The following CNPY2 variants were observed in gnomAD, a reference collection of about 807,000 sequenced individuals.
The protein encoded by CNPY2 is canopy FGF signaling regulator 2, also known as protein canopy homolog 2.
CNPY2 carries 19 observed loss-of-function variants against 25.5 expected under a neutral mutation model. That is an observed-to-expected ratio of 0.74 (90% CI 0.52 to 1.09). The LOEUF (loss-of-function observed/expected upper bound fraction) is 1.09, where lower values mean the gene tolerates loss of function less well. Among genes scored for constraint, CNPY2 ranks in the 50% least tolerant of loss-of-function variants. CNPY2 has a pLI of 0.00. For missense variants in CNPY2, 214 were observed against 233.6 expected (o/e 0.92, Z 0.55); for synonymous variants, 82 against 85.0 (o/e 0.96, Z 0.19).
chr12:56,312,956 T>C (rs1450179881), intron 3 of CNPY2: 2 of 152,252 alleles, frequency 1.3e-5, no homozygotes, highest in African/African-American at 2.4e-5. Context: ...GATCAACTTA[T>C]ACTTCTAATT....
In CNPY2 at chr12:56,311,403, G is replaced by A; in HGVS notation, c.216C>T (p.Ala72=). ...GSQSVVEVPY[A]RSEAHLTELL... ...GCTCTGTGAGGTGGGCCTCTGAGCG[G>A]GCATAAGGCACCTAGAAATGTCCTC... is the stretch of plus-strand genomic sequence containing the variant. The change falls in exon 4 of 6, where the codon GCC becomes GCT. Residue 72 remains alanine, a synonymous_variant. Coordinates refer to ENST00000273308, the MANE Select transcript of CNPY2 (RefSeq NM_014255.7). 1.9e-6 allele frequency: 3 copies of A among 1,614,094 alleles called. No homozygotes were observed. Among genetic ancestry groups the A allele is most frequent in the Non-Finnish European group, 2.5e-6 (3 of 1,180,016 alleles).
chr12:56,314,305 T>C (rs986353080), intron 3 of CNPY2, among the ~76,000 whole-genome samples: 4 of 152,160 alleles, frequency 2.6e-5, no homozygotes, highest in African/African-American at 9.7e-5. Context: ...CAAGCAGCTG[T>C]CACTACAGGC....
Position 56,310,147 on chromosome 12 carries a change from C to T in CNPY2, c.*405G>A, listed in dbSNP as rs944308665. 8.1e-6 allele frequency: 5 copies of T among 616,818 alleles called. No individual in the cohort carries two copies. The highest frequency in any genetic ancestry group is 2.9e-5 in the Admixed American group (1 of 34,738). 38.2% of individuals were successfully genotyped at this position (616,818 alleles called of 1,614,324 possible). A position where few individuals can be genotyped will look rare whatever the true frequency, so the allele number is the denominator to read the frequency against. On this transcript the variant is annotated 3_prime_UTR_variant, in exon 6 of 6. Transcript: ENST00000273308. ...AAGGGATTTCTAGAATTCTACACTA[C>T]CATACACTATGTTCCCCTGCTTCCT...
At chr12:56,314,041 A>C (rs1322520364) in intron 3 of CNPY2, among the ~76,000 whole-genome samples, 1 of 151,632 alleles carries the variant, frequency 6.6e-6, no homozygotes, top group African/African-American at 2.4e-5. Flanking sequence ...AGCTGGGACT[A>C]TAGGCATGAG....
chr12:56,315,691 C>T (rs150816038), intron 1 of CNPY2, 130 bp downstream of exon 1: 57 of 168,434 alleles, frequency 3.4e-4, no homozygotes, highest in Non-Finnish European at 7.1e-4. Context: ...TTCCTGCGTC[C>T]CCACCTCCAG....
intron 3 of CNPY2, among the ~76,000 whole-genome samples, chr12:56,314,321 C>G (rs1403897439): frequency 1.3e-5 from 2 of 152,190 alleles, no homozygotes; most frequent in Non-Finnish European, 2.9e-5. Context: ...CAGGCACATG[C>G]CACCATGCAC....
At chr12:56,313,882 G>A (rs1438974142) in intron 3 of CNPY2, among the ~76,000 whole-genome samples, 3 of 149,738 alleles carry the variant, frequency 2.0e-5, no homozygotes, top group Non-Finnish European at 3.0e-5. Context: ...CTGGCATTAC[G>A]GGCGTGAGCC....
At chr12:56,314,722 G>A (rs1170861110) in intron 3 of CNPY2, 129 bp downstream of exon 3, 8 of 1,534,368 alleles carry the variant, frequency 5.2e-6, no homozygotes, top group Non-Finnish European at 6.1e-6. Flanking sequence ...TCTTCCAAAT[G>A]AGACAGAGCC....
chr12:56,314,758 T>A, intron 3 of CNPY2, 93 bp downstream of exon 3: 1 of 1,592,848 alleles, frequency 6.3e-7, no homozygotes, highest in Non-Finnish European at 8.6e-7. Context: ...GTCTGTTTTC[T>A]TCATTTCTAT....
intron 3 of CNPY2, chr12:56,314,457 C>T (rs946706451): frequency 2.0e-5 from 22 of 1,099,768 alleles, no homozygotes; most frequent in Admixed American, 4.7e-5. Flanking sequence ...GTGTTGTTTT[C>T]GATTAAAATT....
In CNPY2 at chr12:56,314,839, A is replaced by C; in HGVS notation, c.204+12T>G. 6.2e-7 allele frequency: 1 copy of C among 1,614,206 alleles called. No individual in the cohort carries two copies. The highest frequency in any genetic ancestry group is 8.5e-7 in the Non-Finnish European group (1 of 1,180,042). On this transcript the variant is annotated intron_variant, in intron 3 of 5. Coordinates refer to ENST00000273308, the MANE Select transcript of CNPY2 (RefSeq NM_014255.7). ...AGTGAGCTACTTTGTTTGGGGGAACAGTAACAGTTACCTCCACCACTGACT... is the reference window on the plus strand; with the variant it reads ...AGTGAGCTACTTTGTTTGGGGGAACCGTAACAGTTACCTCCACCACTGACT...
At position 56,310,949 on chromosome 12, in the gene CNPY2, G is replaced by A. The variant is rs560862674; in HGVS notation, c.505+9C>T. On this transcript the variant is annotated intron_variant, in intron 5 of 5. Coordinates refer to ENST00000273308, the MANE Select transcript of CNPY2 (RefSeq NM_014255.7). ...TACTAGAACAGGAGATAAAGTGGGGGCAGCTTACCTGTTCGCTTACTGCAA... is the reference window on the plus strand; with the variant it reads ...TACTAGAACAGGAGATAAAGTGGGGACAGCTTACCTGTTCGCTTACTGCAA... The A allele has an allele frequency of 1.2e-6, 2 of 1,612,276 alleles. No individual in the cohort carries two copies. Among genetic ancestry groups the A allele is most frequent in the South Asian group, 1.1e-5 (1 of 91,016 alleles).
rs76871886 is a variant in CNPY2, at chr12:56,311,244, G to A, written c.375C>T (p.Ile125=). ...TGAGGGTGCCGCTAATATCTGAGTC[G>A]ATTCGGATGCCTTGTAGGTCCAGTT... ...SSELDLQGIR[I]DSDISGTLKF... The change falls in exon 4 of 6, where the codon ATC becomes ATT. Residue 125 remains isoleucine, a synonymous_variant. Transcript: ENST00000273308. 2.8e-3 allele frequency: 4,490 copies of A among 1,614,104 alleles called. 14 individuals carry two copies. Among genetic ancestry groups the A allele is most frequent in the Non-Finnish European group, 3.3e-3 (3,943 of 1,179,998 alleles).
chr12:56,311,612 C>T (rs748710871), intron 3 of CNPY2, 198 bp from the exon 4 acceptor site: 40 of 623,492 alleles, frequency 6.4e-5, no homozygotes, highest in Non-Finnish European at 1.0e-4. Context: ...AGTGCATTGG[C>T]GCCATCTCGG....
Position 56,315,160 on chromosome 12 carries a change from C to T in CNPY2, c.58G>A (p.Ala20Thr). ...CAGTGGAGATCCTGGCTCCTCCGAGCCCAGGCGGTTCCCAGCAGGGCCCCC... is the reference window on the plus strand; with the variant it reads ...CAGTGGAGATCCTGGCTCCTCCGAGTCCAGGCGGTTCCCAGCAGGGCCCCC... ...LLGALLGTAW[A>T]RRSQDLHCGA... Residue 20 changes from alanine (A) to threonine (T), a missense_variant, in exon 2 of 6, where the codon GCT becomes ACT. By Grantham distance (58) the Ala-to-Thr change is moderately conservative (BLOSUM62 0). Transcript: ENST00000273308. 2 of 1,614,108 alleles carry T rather than the reference C, an allele frequency of 1.2e-6. No individual in the cohort carries two copies.
In CNPY2 at chr12:56,311,216, A is replaced by T; in HGVS notation, c.403T>A (p.Phe135Ile). The T allele has an allele frequency of 6.2e-7, 1 of 1,614,000 alleles. No homozygotes were observed. Among genetic ancestry groups the T allele is most frequent in the Non-Finnish European group, 8.5e-7 (1 of 1,179,910 alleles). ...IDSDISGTLK[F>I]ACESIVEEYE... ...TACCGATTCCCATAGCTCACCGCAAACTTGAGGGTGCCGCTAATATCTGAG... is the reference window on the plus strand; with the variant it reads ...TACCGATTCCCATAGCTCACCGCAATCTTGAGGGTGCCGCTAATATCTGAG... The change falls in exon 4 of 6, where the codon TTT becomes ATT. Residue 135 changes from phenylalanine (F) to isoleucine (I), a missense_variant. Transcript: ENST00000273308.
intron 3 of CNPY2, chr12:56,311,832 G>C: frequency 4.1e-6 from 1 of 245,256 alleles, no homozygotes; most frequent in South Asian, 4.9e-5. Context: ...GATTACAGAC[G>C]TGAGCCACTG....
rs966908452 is a variant in CNPY2, at chr12:56,315,117, G to C, written c.88+13C>G. On this transcript the variant is annotated intron_variant, in intron 2 of 5. Coordinates refer to ENST00000273308, the MANE Select transcript of CNPY2 (RefSeq NM_014255.7). ...TCTGCTTCCTCCACTTCTTTTTCCC[G>C]TTGTGCCTTTACCTCCACAGTGGAG... is the stretch of plus-strand genomic sequence containing the variant. 1.2e-6 allele frequency: 2 copies of C among 1,612,790 alleles called. No homozygotes were observed. The highest frequency in any genetic ancestry group is 2.2e-5 in the East Asian group (1 of 44,872).
At chr12:56,311,657 T>G in intron 3 of CNPY2, 1 of 465,308 alleles carries the variant, frequency 2.1e-6, no homozygotes, top group Non-Finnish European at 4.0e-6. Context: ...GTTCAAGTGA[T>G]TCTCCTGCCT....
Sources: gnomAD v4.1 joint callset for allele counts (sites outside exome capture counted in the v4.1 genomes callset) on GRCh38, gnomAD v4.1.1 for gene constraint, MANE v1.5 for transcripts, NCBI Gene and HGNC (gene_info 2026-07-23, HGNC 2026-07-21) for gene names.